Variants in AKT3 observed in about 807,000 individuals in gnomAD.
AKT3 encodes the protein RAC-gamma serine/threonine-protein kinase.
In AKT3, 15 loss-of-function variants were observed where a neutral mutation model predicts 65.3. The ratio of observed to expected loss-of-function variants is 0.23; its 90% CI spans 0.15 to 0.35. AKT3 has a LOEUF of 0.35. AKT3 is among the 10% of genes least tolerant of loss of function. AKT3 has a pLI of 1.00. For synonymous variants in AKT3, 206 were observed against 183.8 expected, an observed-to-expected ratio of 1.12 and a Z score of -0.98; for missense variants, 243 against 576.5, an observed-to-expected ratio of 0.42 and a Z score of 5.92.
chr1:243,669,891 T>C (rs1250487349), intron 3 of AKT3, among the ~76,000 whole-genome samples: 7 of 152,190 alleles, frequency 4.6e-5, no homozygotes, highest in Non-Finnish European at 8.8e-5. Context: ...GACTAAGTAG[T>C]TATGCACAAC....
chr1:243,523,170 A>G (rs902813150), intron 12 of AKT3, among the ~76,000 whole-genome samples: 3 of 152,106 alleles, frequency 2.0e-5, no homozygotes, highest in Admixed American at 2.0e-4. Context: ...GTGCTGTACT[A>G]ATTAAGTGAA....
intron 11 of AKT3, among the ~76,000 whole-genome samples, chr1:243,547,579 C>A (rs1191879858): frequency 6.6e-6 from 1 of 152,126 alleles, no homozygotes; most frequent in African/African-American, 2.4e-5. Context: ...ATGGTTTTAT[C>A]TGGATGCAAT....
intron 2 of AKT3, among the ~76,000 whole-genome samples, chr1:243,810,564 C>A (rs543913159): frequency 6.6e-6 from 1 of 152,244 alleles, no homozygotes; most frequent in African/African-American, 2.4e-5. Flanking sequence ...AGTCCAGGAC[C>A]AGACGGATTC....
At chr1:243,804,029 C>T (rs1328181708) in intron 2 of AKT3, among the ~76,000 whole-genome samples, 1 of 152,156 alleles carries the variant, frequency 6.6e-6, no homozygotes, top group African/African-American at 2.4e-5. Context: ...CAGAGCCAGC[C>T]CACACAGCAG....
chr1:243,766,344 AAATT>A (rs1689822563), intron 2 of AKT3, among the ~76,000 whole-genome samples: 2 of 152,308 alleles, frequency 1.3e-5, no homozygotes, highest in South Asian at 4.1e-4. Context: ...ATAAAAAAGA[AAATT>A]AATAATAATT....
At chr1:243,645,577 A>G (rs1190700822) in intron 5 of AKT3, among the ~76,000 whole-genome samples, 2 of 152,222 alleles carry the variant, frequency 1.3e-5, no homozygotes, top group Non-Finnish European at 2.9e-5. Context: ...CATCAGGGAA[A>G]ACATTTTATT....
intron 2 of AKT3, among the ~76,000 whole-genome samples, chr1:243,831,789 C>G (rs187302426): frequency 6.6e-6 from 1 of 151,988 alleles, no homozygotes; most frequent in African/African-American, 2.4e-5. Context: ...ATCTTTCCAC[C>G]CAAAACTTCT....
chr1:243,691,545 C>T (rs1232791925), intron 3 of AKT3, among the ~76,000 whole-genome samples: 1 of 151,782 alleles, frequency 6.6e-6, no homozygotes, highest in African/African-American at 2.4e-5. Flanking sequence ...AGAAAAGGAT[C>T]ATAGGTTCAA....
intron 6 of AKT3, among the ~76,000 whole-genome samples, chr1:243,620,710 T>C (rs934136320): frequency 2.0e-5 from 3 of 152,140 alleles, no homozygotes; most frequent in Admixed American, 1.3e-4. Context: ...ATTTCTCACC[T>C]TGATGGAGAT....
At chr1:243,628,759 C>T (rs1454180569) in intron 6 of AKT3, among the ~76,000 whole-genome samples, 2 of 152,234 alleles carry the variant, frequency 1.3e-5, no homozygotes, top group Non-Finnish European at 2.9e-5. Flanking sequence ...CAAAGGTAAT[C>T]AGCCAGCATC....
intron 13 of AKT3, among the ~76,000 whole-genome samples, chr1:243,508,642 C>T (rs1055988850): frequency 6.8e-6 from 1 of 147,086 alleles, no homozygotes; most frequent in African/African-American, 2.5e-5. Flanking sequence ...TTCTGACACC[C>T]ACAAAAGCCA....
At position 243,615,131 on chromosome 1, in the gene AKT3, T is replaced by C; in HGVS notation, c.592A>G (p.Arg198Gly). 6.2e-7 allele frequency: 1 copy of C among 1,610,102 alleles called. No homozygotes were observed. The highest frequency in any genetic ancestry group is 8.5e-7 in the Non-Finnish European group (1 of 1,177,820). The change falls in exon 7 of 14, where the codon AGA becomes GGA. Residue 198 changes from arginine to glycine, a missense_variant. Arg to Gly is a moderately radical substitution (Grantham distance 125, BLOSUM62 -2). Transcript: ENST00000673466. ...GGATGTCTAGTGTTCTTTAATACTC[T>C]GCTTTCAGTTAGAGTGTGTGCCACT... is the stretch of plus-strand genomic sequence containing the variant. ...DEVAHTLTES[R>G]VLKNTRHPFL...
At chr1:243,524,304 C>T (rs1670909309) in intron 12 of AKT3, among the ~76,000 whole-genome samples, 1 of 152,110 alleles carries the variant, frequency 6.6e-6, no homozygotes. Context: ...GTGTTTTGGC[C>T]ACTGGTGCCA....
intron 4 of AKT3, among the ~76,000 whole-genome samples, chr1:243,652,150 G>C (rs1158134415): frequency 1.3e-5 from 2 of 151,258 alleles, no homozygotes; most frequent in Admixed American, 6.6e-5. Context: ...CTGGGTTCAA[G>C]AGATTGTCTG....
At chr1:243,678,064 G>A (rs577603152) in intron 3 of AKT3, among the ~76,000 whole-genome samples, 6 of 152,110 alleles carry the variant, frequency 3.9e-5, no homozygotes, top group African/African-American at 1.4e-4. Flanking sequence ...CTCCAGCCTG[G>A]GCAACAGAGC....
intron 2 of AKT3, among the ~76,000 whole-genome samples, chr1:243,796,564 C>T (rs1044334657): frequency 6.6e-6 from 1 of 152,182 alleles, no homozygotes; most frequent in East Asian, 1.9e-4. Context: ...TATCTCTGAT[C>T]CCATTTAATA....
intron 12 of AKT3, among the ~76,000 whole-genome samples, chr1:243,526,307 C>A (rs1397954002): frequency 1.3e-5 from 2 of 152,070 alleles, no homozygotes; most frequent in Non-Finnish European, 2.9e-5. Context: ...GGATATCCTG[C>A]AAAAGCTGGG....
chr1:243,661,477 G>A lies in AKT3; in HGVS notation c.284+3295C>T, dbSNP rs1287936009. Reference sequence around the variant, plus strand: ...GGAAAGGATTCCCTATTTAATAAATGGTGCTGGGAAAACTGGCTAGCCATA... The same window carrying A: ...GGAAAGGATTCCCTATTTAATAAATAGTGCTGGGAAAACTGGCTAGCCATA... On this transcript the variant is annotated intron_variant, in intron 4 of 13. Coordinates refer to ENST00000673466, the MANE Select transcript of AKT3 (RefSeq NM_005465.7). 1.9e-4 allele frequency among the ~76,000 whole-genome samples: 29 copies of A among 150,982 alleles called. No homozygotes were observed. The East Asian group carries it at 5.1e-3, about 26-fold the overall frequency.
At chr1:243,509,194 T>C (rs1241050327) in intron 13 of AKT3, among the ~76,000 whole-genome samples, 1 of 152,142 alleles carries the variant, frequency 6.6e-6, no homozygotes. Flanking sequence ...AAATATGACA[T>C]GCCAGGAAAA....
Sources: gnomAD v4.1 joint callset for allele counts (sites outside exome capture counted in the v4.1 genomes callset) on GRCh38, gnomAD v4.1.1 for gene constraint, MANE v1.5 for transcripts, NCBI Gene and HGNC (gene_info 2026-07-23, HGNC 2026-07-21) for gene names.